CA5A: variants seen among roughly 807,000 people sequenced by gnomAD.
CA5A encodes carbonic anhydrase 5A, also known as carbonic anhydrase 5A, mitochondrial.
In CA5A, 28 loss-of-function variants were observed where a neutral mutation model predicts 37.1. The ratio of observed to expected loss-of-function variants is 0.75; its 90% CI spans 0.56 to 1.03. The LOEUF is 1.03. Ranked by LOEUF, CA5A falls within the 50% of genes least tolerant of loss-of-function variation. The probability of loss-of-function intolerance (pLI) is 0.00; values close to 1 mark genes in which losing one functional copy is unlikely to be tolerated. For missense variants in CA5A, 444 were observed against 399.9 expected (o/e 1.11, Z -0.94); for synonymous variants, 171 against 158.4 (o/e 1.08, Z -0.60).
At chr16:87,888,454 G>A (rs60725991) in intron 6 of CA5A, among the ~76,000 whole-genome samples, 182 bp from the exon 7 acceptor site, 26,463 of 152,066 alleles carry the variant, frequency 0.17, 2,459 homozygotes, top group South Asian at 0.27. Context: ...TGCCGCTTCC[G>A]CCTTGGTCTT....
rs150840322 is a variant in CA5A at position 87,922,636 on chromosome 16, C to CA, written c.340+4111dup. On this transcript the variant is annotated intron_variant, in intron 2 of 6. Coordinates refer to ENST00000649794, the MANE Select transcript of CA5A (RefSeq NM_001739.2). ...TGCCGACCTCAAGGCCCACTGGACA[C>CA]AGCCTCCGCTGGGCTTGAGCCAGAG... 9.0e-3 allele frequency among the ~76,000 whole-genome samples: 1,373 copies of CA among 152,372 alleles called. 19 individuals carry two copies. Among genetic ancestry groups the CA allele is most frequent in the African/African-American group, 0.032 (1,320 of 41,592 alleles).
intron 1 of CA5A, among the ~76,000 whole-genome samples, chr16:87,931,605 A>T (rs2056406633): frequency 1.3e-5 from 2 of 152,188 alleles, no homozygotes; most frequent in African/African-American, 4.8e-5. Flanking sequence ...TGCTGAGAAG[A>T]TAAGCTCGCT....
At chr16:87,898,729 A>ATTTT (rs59375883) in intron 5 of CA5A, among the ~76,000 whole-genome samples, 7 of 115,050 alleles carry the variant, frequency 6.1e-5, no homozygotes, top group African/African-American at 1.4e-4. Flanking sequence ...TCTAGTGTGG[A>ATTTT]TTTTTTTTTT....
chr16:87,924,144 C>G (rs925430142), intron 2 of CA5A: 1 of 985,322 alleles, frequency 1.0e-6, no homozygotes, highest in African/African-American at 1.7e-5. Context: ...GGTTGTCCCA[C>G]TTTCCCTCTT....
chr16:87,907,035 G>C (rs987240607), intron 2 of CA5A, among the ~76,000 whole-genome samples: 1 of 152,064 alleles, frequency 6.6e-6, no homozygotes, highest in East Asian at 1.9e-4. Context: ...TGGCCAACAT[G>C]ATAAAACCTC....
At chr16:87,902,089 C>G in intron 4 of CA5A, 115 bp from the exon 5 acceptor site, 1 of 937,760 alleles carries the variant, frequency 1.1e-6, no homozygotes, top group Non-Finnish European at 1.7e-6. Context: ...TGCGGTGGCT[C>G]ATGCCTGTGA....
chr16:87,921,508 T>C (rs4076655), intron 2 of CA5A, among the ~76,000 whole-genome samples: 63,275 of 152,098 alleles, frequency 0.42, 14,007 homozygotes, highest in Non-Finnish European at 0.46. Flanking sequence ...AAAAACTCCT[T>C]GGCTCTCATT....
chr16:87,901,877 G>A (rs373781815), intron 5 of CA5A, 35 bp downstream of exon 5: 24 of 1,588,934 alleles, frequency 1.5e-5, no homozygotes, highest in African/African-American at 1.1e-4. Flanking sequence ...GTGAGCCTCC[G>A]CGCCCGGCCT....
chr16:87,886,547 G>C (rs983447233), downstream of CA5A: 21 of 152,144 alleles, frequency 1.4e-4, no homozygotes, highest in African/African-American at 4.8e-4. Flanking sequence ...AAGATTCATG[G>C]TTCCCCATTT....
chr16:87,902,290 G>C lies in CA5A; in HGVS notation c.555+135C>G, dbSNP rs542933919. On this transcript the variant is annotated intron_variant, in intron 4 of 6. Transcript: ENST00000649794. ...AATCACTTGAACCCAGGAGGTGCAG[G>C]TTGCAATGAGCCGAGACTGTGCCAC... 729 of 641,434 alleles carry C rather than the reference G, an allele frequency of 1.1e-3. 6 individuals carry two copies. In the African/African-American group the frequency reaches 0.012, roughly 11 times the overall value. The allele number at this position is 641,434 out of a possible 1,614,324, so 39.7% of individuals were successfully genotyped here. A position where few individuals can be genotyped will look rare whatever the true frequency, so the allele number is the denominator to read the frequency against.
At chr16:87,898,132 C>T (rs778866658) in intron 5 of CA5A, among the ~76,000 whole-genome samples, 10 of 152,150 alleles carry the variant, frequency 6.6e-5, no homozygotes, top group African/African-American at 2.2e-4. Flanking sequence ...GGGTCTCTGC[C>T]GAGTCAGTCC....
intron 1 of CA5A, among the ~76,000 whole-genome samples, chr16:87,934,085 G>A (rs2056440780): frequency 6.6e-6 from 1 of 152,230 alleles, no homozygotes; most frequent in Non-Finnish European, 1.5e-5. Flanking sequence ...TAGACACAGG[G>A]CACCCACCGC....
chr16:87,904,797 A>T lies in CA5A; in HGVS notation c.448T>A (p.Tyr150Asn). The part of the protein sequence containing the change: ...GSEHTVDGHA[Y>N]PAELHLVHWN... ...CCACGTCTACAAACCTCTGCGGGGTACGCGTGGCCGTCCACTGTGTGCTCT... is the reference window on the plus strand; with the variant it reads ...CCACGTCTACAAACCTCTGCGGGGTTCGCGTGGCCGTCCACTGTGTGCTCT... The change falls in exon 3 of 7, where the codon TAC (tyrosine) becomes AAC (asparagine). Residue 150 changes from tyrosine to asparagine, a missense_variant. Coordinates refer to ENST00000649794, the MANE Select transcript of CA5A (RefSeq NM_001739.2). 1 of 1,604,620 alleles carries T rather than the reference A, an allele frequency of 6.2e-7. No individual in the cohort carries two copies. Among genetic ancestry groups the T allele is most frequent in the Non-Finnish European group, 8.5e-7 (1 of 1,171,404 alleles).
At chr16:87,887,969 ATCTT>A, downstream of CA5A, 1 of 1,121,142 alleles carries the variant, frequency 8.9e-7, no homozygotes, top group Non-Finnish European at 1.2e-6. Context: ...GTACTTACAC[ATCTT>A]TCTTTCACTT....
rs772566014 is a variant in CA5A, at chr16:87,926,968, C to A, written c.143-23G>T. ...GCACTGCAGGGAGAGAGACGGAGAC[C>A]CTGAGTGAGGCATGAGCTTCATCCT... On this transcript the variant is annotated intron_variant, in intron 1 of 6. Coordinates refer to ENST00000649794, the MANE Select transcript of CA5A (RefSeq NM_001739.2). 3.6e-5 allele frequency: 53 copies of A among 1,479,528 alleles called. No individual in the cohort carries two copies. In the East Asian group the frequency reaches 8.7e-4, roughly 24 times the overall value. The allele number at this position is 1,479,528 out of a possible 1,614,324, so 91.7% of individuals were successfully genotyped here. A position where few individuals can be genotyped will look rare whatever the true frequency, so the allele number is the denominator to read the frequency against.
At chr16:87,888,484 G>A (rs377016165) in intron 6 of CA5A, among the ~76,000 whole-genome samples, 3 of 152,160 alleles carry the variant, frequency 2.0e-5, no homozygotes, top group Non-Finnish European at 2.9e-5. Flanking sequence ...TTGCTCTGGG[G>A]GGAAGCTGGT....
intron 5 of CA5A, among the ~76,000 whole-genome samples, chr16:87,896,649 A>ATT (rs111839025): frequency 6.6e-6 from 1 of 152,040 alleles, no homozygotes; most frequent in Non-Finnish European, 1.5e-5. Flanking sequence ...TTATTTATTT[A>ATT]TTGTTTTTGA....
At chr16:87,913,794 T>A (rs567427211) in intron 2 of CA5A, among the ~76,000 whole-genome samples, 1 of 152,266 alleles carries the variant, frequency 6.6e-6, no homozygotes, top group East Asian at 1.9e-4. Flanking sequence ...AGCTGGCCCG[T>A]CCTGCACACC....
At chr16:87,930,059 C>T (rs1162879354) in intron 1 of CA5A, among the ~76,000 whole-genome samples, 3 of 152,012 alleles carry the variant, frequency 2.0e-5, no homozygotes, top group Admixed American at 2.0e-4. Flanking sequence ...GGTTGTGTGC[C>T]TGTTTATTTT....
Sources: gnomAD v4.1 joint callset for allele counts (sites outside exome capture counted in the v4.1 genomes callset) on GRCh38, gnomAD v4.1.1 for gene constraint, MANE v1.5 for transcripts, NCBI Gene and HGNC (gene_info 2026-07-23, HGNC 2026-07-21) for gene names.